PBRM1: variants seen among roughly 807,000 people sequenced by gnomAD.
PBRM1 encodes polybromo 1.
In PBRM1, 27 loss-of-function variants were observed where a neutral mutation model predicts 194.5. The ratio of observed to expected loss-of-function variants is 0.14; its 90% CI spans 0.10 to 0.19. The LOEUF (loss-of-function observed/expected upper bound fraction) is 0.19, where lower values mean the gene tolerates loss of function less well. Among genes scored for constraint, PBRM1 ranks in the 10% least tolerant of loss-of-function variants. The probability of loss-of-function intolerance (pLI) is 1.00; values close to 1 mark genes in which losing one functional copy is unlikely to be tolerated. For missense variants in PBRM1, 1,466 were observed against 2,077.2 expected, an observed-to-expected ratio of 0.71 and a Z score of 5.72; for synonymous variants, 655 against 693.2, an observed-to-expected ratio of 0.94 and a Z score of 0.87.
At chr3:52,576,819 T>C (rs1295941223) in intron 21 of PBRM1, 121 bp from the exon 24 acceptor site, 22 of 583,356 alleles carry the variant, frequency 3.8e-5, no homozygotes, top group Admixed American at 1.2e-4. Context: ...TTTCACTGGC[T>C]GTTTTGGTAA....
chr3:52,615,396 G>A, exon 15 of PBRM1: 1 of 1,612,862 alleles, frequency 6.2e-7, no homozygotes, highest in Non-Finnish European at 8.5e-7. Context: ...TCAGGCAGTG[G>A]GCCCAGCTCT....
intron 4 of PBRM1, among the ~76,000 whole-genome samples, chr3:52,661,449 A>T (rs1234010398): frequency 6.6e-6 from 1 of 152,242 alleles, no homozygotes; most frequent in Non-Finnish European, 1.5e-5. Flanking sequence ...TTGGGGAAAG[A>T]GAGAAAAACA....
intron 25 of PBRM1, 149 bp from the exon 28 acceptor site, chr3:52,558,562 G>T (rs1298712676): frequency 9.8e-6 from 6 of 615,098 alleles, no homozygotes; most frequent in African/African-American, 3.7e-5. Flanking sequence ...CACAGGAGGA[G>T]TCGGGCCGAT....
intron 22 of PBRM1, among the ~76,000 whole-genome samples, chr3:52,573,813 C>T (rs2088380653): frequency 6.6e-6 from 1 of 152,166 alleles, no homozygotes; most frequent in Non-Finnish European, 1.5e-5. Context: ...GGCAGGAAAG[C>T]TCTGTGGCAT....
chr3:52,680,035 T>G (rs1410754498), upstream of PBRM1, among the ~76,000 whole-genome samples: 1 of 152,166 alleles, frequency 6.6e-6, no homozygotes, highest in African/African-American at 2.4e-5. Context: ...CCAACCTATA[T>G]GTAGCAGTAC....
chr3:52,598,422 T>C (rs190325225), intron 17 of PBRM1, among the ~76,000 whole-genome samples: 1 of 152,362 alleles, frequency 6.6e-6, no homozygotes, highest in East Asian at 1.9e-4. Context: ...TTCTATATAC[T>C]TCAAAAAAGT....
rs1375514949 is a variant in PBRM1, at chr3:52,676,141, AAAAAAAAAAAAT to A, written c.236+2347_236+2358del. ...AAAAAAAAAAAAAAAAAAAAAAAAA[AAAAAAAAAAAAT>A]AATGAATGAAGCGGGATCCTTACCT... On this transcript the variant is annotated intron_variant, in intron 2 of 29. Transcript: ENST00000296302. 1.7e-4 allele frequency among the ~76,000 whole-genome samples: 5 copies of A among 30,118 alleles called. No individual in the cohort carries two copies. In the East Asian group the frequency reaches 1.9e-3, roughly 12 times the overall value. 19.8% of individuals were successfully genotyped at this position (30,118 alleles called of 152,430 possible). A position where few individuals can be genotyped will look rare whatever the true frequency, so the allele number is the denominator to read the frequency against.
chr3:52,589,897 C>A (rs2092847703), intron 17 of PBRM1, among the ~76,000 whole-genome samples: 1 of 152,024 alleles, frequency 6.6e-6, no homozygotes, highest in South Asian at 2.1e-4. Context: ...GGCACAATCT[C>A]AGCTCACCAC....
chr3:52,563,538 C>A (rs780664983), intron 23 of PBRM1, 45 bp from the exon 26 acceptor site: 1 of 1,346,612 alleles, frequency 7.4e-7, no homozygotes, highest in Admixed American at 1.7e-5. Context: ...TAATGCCCCT[C>A]CAGAATAAGC....
At chr3:52,661,568 T>C (rs2096725910) in intron 4 of PBRM1, among the ~76,000 whole-genome samples, 1 of 151,936 alleles carries the variant, frequency 6.6e-6, no homozygotes, top group African/African-American at 2.4e-5. Flanking sequence ...GAGCAAACAA[T>C]GGAGATAGGG....
At chr3:52,657,595 G>A (rs756610601) in intron 5 of PBRM1, among the ~76,000 whole-genome samples, 8 of 151,456 alleles carry the variant, frequency 5.3e-5, no homozygotes, top group South Asian at 2.1e-4. Flanking sequence ...TCAGCCTCCC[G>A]AGTAGGTGGG....
chr3:52,634,449 AAAAAAAAGGTAATGAACAGTT>A (rs1218491495), intron 11 of PBRM1, among the ~76,000 whole-genome samples, 132 bp downstream of exon 12: 1 of 151,980 alleles, frequency 6.6e-6, no homozygotes, highest in Non-Finnish European at 1.5e-5. Context: ...AAAAAAAAAA[AAAAAAAAGGTAATGAACAGTT>A]AAAATTTGAG....
intron 27 of PBRM1, among the ~76,000 whole-genome samples, chr3:52,553,269 G>C (rs1402827344): frequency 6.6e-6 from 1 of 152,200 alleles, no homozygotes; most frequent in African/African-American, 2.4e-5. Flanking sequence ...TTTTGCATAT[G>C]ATGGCAATTA....
exon 14 of PBRM1, chr3:52,617,528 T>C (rs148299797): frequency 6.8e-6 from 11 of 1,606,982 alleles, no homozygotes; most frequent in Admixed American, 6.7e-5. Flanking sequence ...TGCTTTCTTA[T>C]GTTCTTTTTA....
intron 13 of PBRM1, among the ~76,000 whole-genome samples, chr3:52,626,723 A>C (rs2095460589): frequency 6.6e-6 from 1 of 152,200 alleles, no homozygotes; most frequent in African/African-American, 2.4e-5. Context: ...AGTTGAGAGA[A>C]AGGTTATATA....
At chr3:52,593,025 G>C (rs910595593) in intron 17 of PBRM1, among the ~76,000 whole-genome samples, 4 of 152,140 alleles carry the variant, frequency 2.6e-5, no homozygotes, top group Admixed American at 6.6e-5. Context: ...GTTTCTAATT[G>C]TGTTTACTTG....
In PBRM1 at chr3:52,629,048, A is replaced by G. The variant is rs375363186; in HGVS notation, c.1302-13T>C. On this transcript the variant is annotated splice_polypyrimidine_tract_variant and intron_variant, in intron 11 of 29. Transcript: ENST00000296302. ...CTTCAGTTTTGTTCTGTGAAAGACA[A>G]AGAAATTGCTAGAATTTTCTGTCAT... is the stretch of plus-strand genomic sequence containing the variant. The G allele has an allele frequency of 6.4e-7, 1 of 1,574,172 alleles. No homozygotes were observed.
At chr3:52,641,902 G>T in intron 10 of PBRM1, 52 bp downstream of exon 11, 2 of 1,050,704 alleles carry the variant, frequency 1.9e-6, no homozygotes, top group Non-Finnish European at 3.0e-6. Flanking sequence ...ATTTCATTTA[G>T]CTAGAAGGAT....
At chr3:52,627,234 A>G (rs112826937) in intron 13 of PBRM1, 39 bp downstream of exon 14, 343 of 1,110,140 alleles carry the variant, frequency 3.1e-4, no homozygotes, top group Middle Eastern at 1.4e-3. Context: ...CAAAATTAAC[A>G]GGAACTGAGA....
Sources: gnomAD v4.1 joint callset for allele counts (sites outside exome capture counted in the v4.1 genomes callset) on GRCh38, gnomAD v4.1.1 for gene constraint, MANE v1.5 for transcripts, NCBI Gene and HGNC (gene_info 2026-07-23, HGNC 2026-07-21) for gene names.